CBL: variants seen among roughly 807,000 people sequenced by gnomAD.
The protein encoded by CBL is E3 ubiquitin-protein ligase CBL.
A neutral mutation model predicts 96.9 loss-of-function variants in CBL; 45 were observed. The ratio of observed to expected loss-of-function variants is 0.46; its 90% confidence interval spans 0.37 to 0.60. The LOEUF is 0.60. Among genes scored for constraint, CBL ranks in the 20% least tolerant of loss-of-function variants. The pLI is 0.00. For synonymous variants in CBL, 420 were observed against 426.8 expected, an observed-to-expected ratio of 0.98 and a Z score of 0.20; for missense variants, 1,024 against 1,143.5, an observed-to-expected ratio of 0.90 and a Z score of 1.51.
intron 9 of CBL, among the ~76,000 whole-genome samples, chr11:119,280,165 T>G (rs750690359): frequency 1.3e-5 from 2 of 152,270 alleles, no homozygotes; most frequent in Non-Finnish European, 2.9e-5. Flanking sequence ...TCATATTGTT[T>G]GCAGGCTTAC....
chr11:119,246,815 T>C (rs777164607), intron 2 of CBL, among the ~76,000 whole-genome samples: 1 of 152,266 alleles, frequency 6.6e-6, no homozygotes, highest in African/African-American at 2.4e-5. Context: ...TTTTGTACTT[T>C]AAGATTCATG....
intron 2 of CBL, among the ~76,000 whole-genome samples, chr11:119,264,630 T>C (rs1463958178): frequency 2.0e-5 from 3 of 151,524 alleles, no homozygotes; most frequent in Non-Finnish European, 2.9e-5. Flanking sequence ...TAGAGGTCCA[T>C]GCCACCATGC....
chr11:119,206,793 C>A (rs1450090169), intron 1 of CBL, among the ~76,000 whole-genome samples, 181 bp downstream of exon 1: 3 of 32,002 alleles, frequency 9.4e-5, no homozygotes, highest in Non-Finnish European at 1.5e-4. Flanking sequence ...GGGTGGGGGG[C>A]GGCGTGGGGG....
intron 2 of CBL, among the ~76,000 whole-genome samples, chr11:119,264,349 T>G (rs527490958): frequency 6.6e-6 from 1 of 150,732 alleles, no homozygotes; most frequent in South Asian, 2.1e-4. Context: ...TGAGTCCCTA[T>G]GCCTGACCTC....
Position 119,285,694 on chromosome 11 carries a change from G to A in CBL, c.1941+128G>A, listed in dbSNP as rs1193512979. On this transcript the variant is annotated intron_variant, in intron 11 of 15. Transcript: ENST00000264033. ...GTGGATCGCTTGAGCCGAGGATTTC[G>A]AGACCAGCCTGGGGGACGTAGTGAA... 13 of 1,049,628 alleles carry A rather than the reference G, an allele frequency of 1.2e-5. No homozygotes were observed. The East Asian group carries it at 1.3e-4, about 10-fold the overall frequency. 65.0% of individuals were successfully genotyped at this position (1,049,628 alleles called of 1,614,324 possible).
intron 11 of CBL, among the ~76,000 whole-genome samples, chr11:119,285,951 A>G (rs1949981942): frequency 6.6e-6 from 1 of 151,844 alleles, no homozygotes; most frequent in Non-Finnish European, 1.5e-5. Flanking sequence ...ATGGGTTGAA[A>G]TTTTGTGATA....
intron 2 of CBL, among the ~76,000 whole-genome samples, chr11:119,242,537 CAAAAAAAAAA>C (rs71048052): frequency 1.3e-5 from 1 of 76,374 alleles, no homozygotes; most frequent in African/African-American, 5.4e-5. Flanking sequence ...GACTCCATCT[CAAAAAAAAAA>C]AAAAAAAAAG....
chr11:119,242,986 T>G (rs1006998433), intron 2 of CBL, among the ~76,000 whole-genome samples: 5 of 151,908 alleles, frequency 3.3e-5, no homozygotes, highest in African/African-American at 9.7e-5. Context: ...TCAAAAGATT[T>G]AGAATTTTCA....
At chr11:119,289,520 C>T (rs1382748484) in intron 12 of CBL, 1 of 151,602 alleles carries the variant, frequency 6.6e-6, no homozygotes, top group Non-Finnish European at 1.5e-5. Flanking sequence ...TTTGCATAAC[C>T]TCTGTATTAT....
chr11:119,226,509 G>T (rs1949459807), intron 1 of CBL, among the ~76,000 whole-genome samples: 1 of 151,738 alleles, frequency 6.6e-6, no homozygotes, highest in Non-Finnish European at 1.5e-5. Context: ...TTTTGAGATG[G>T]GGTCTGTGGC....
chr11:119,250,233 A>G (rs926510410), intron 2 of CBL, among the ~76,000 whole-genome samples: 2 of 152,116 alleles, frequency 1.3e-5, no homozygotes, highest in Admixed American at 1.3e-4. Flanking sequence ...ATCTAGGGTA[A>G]ATTTCCCCTG....
chr11:119,288,069 A>T, intron 12 of CBL, 123 bp downstream of exon 12: 2 of 696,634 alleles, frequency 2.9e-6, no homozygotes, highest in East Asian at 2.7e-5. Flanking sequence ...CACCATGTAG[A>T]AATGATTATA....
intron 12 of CBL, among the ~76,000 whole-genome samples, chr11:119,293,168 A>C (rs1950041106): frequency 6.6e-6 from 1 of 151,536 alleles, no homozygotes; most frequent in Non-Finnish European, 1.5e-5. Flanking sequence ...GCAGTGGTGC[A>C]GTCTCGGCTC....
chr11:119,225,320 C>T (rs1042742163), intron 1 of CBL, among the ~76,000 whole-genome samples: 24 of 152,070 alleles, frequency 1.6e-4, no homozygotes. Flanking sequence ...TGGTCTCCAA[C>T]TCCTGACGTC....
chr11:119,216,523 C>G (rs1025653271), intron 1 of CBL, among the ~76,000 whole-genome samples: 2 of 151,838 alleles, frequency 1.3e-5, no homozygotes, highest in African/African-American at 4.8e-5. Flanking sequence ...AGGTGCCCAC[C>G]ACCATGCCCA....
At chr11:119,259,494 T>C (rs993014373) in intron 2 of CBL, among the ~76,000 whole-genome samples, 3 of 152,184 alleles carry the variant, frequency 2.0e-5, no homozygotes, top group Non-Finnish European at 2.9e-5. Context: ...TAAACAGTAT[T>C]TACTAAATTT....
At chr11:119,228,171 G>A (rs1283417127) in intron 1 of CBL, among the ~76,000 whole-genome samples, 1 of 151,862 alleles carries the variant, frequency 6.6e-6, no homozygotes, top group African/African-American at 2.4e-5. Context: ...GCTAGAATAT[G>A]GTGGTGTGAT....
At chr11:119,294,078 G>A (rs1459412199) in intron 12 of CBL, among the ~76,000 whole-genome samples, 2 of 152,194 alleles carry the variant, frequency 1.3e-5, no homozygotes, top group East Asian at 1.9e-4. Flanking sequence ...AACATGCTTT[G>A]TGAGAAGGAG....
At chr11:119,238,551 TGGGTGTGGTGGTTCACA>T (rs1021025932) in intron 2 of CBL, among the ~76,000 whole-genome samples, 1 of 151,496 alleles carries the variant, frequency 6.6e-6, no homozygotes, top group Non-Finnish European at 1.5e-5. Context: ...CAGCAGGGGC[TGGGTGTGGTGGTTCACA>T]CCTGTAATGC....
Sources: allele counts gnomAD v4.1 joint callset (sites outside exome capture counted in the v4.1 genomes callset), GRCh38; gene constraint gnomAD v4.1.1; transcripts MANE v1.5; gene names NCBI Gene and HGNC (gene_info 2026-07-23, HGNC 2026-07-21).